Variants in BAIAP2L1 observed in about 807,000 individuals in gnomAD.
The protein encoded by BAIAP2L1 is BAR/IMD domain-containing adapter protein 2-like 1.
Under a neutral mutation model 66.3 loss-of-function variants are expected in BAIAP2L1, and 35 were observed. That is an observed-to-expected ratio of 0.53 (90% CI 0.40 to 0.70). BAIAP2L1 has a LOEUF of 0.70. Ranked by LOEUF, BAIAP2L1 falls within the 30% of genes least tolerant of loss-of-function variation. The probability of loss-of-function intolerance (pLI) is 0.00; values close to 1 mark genes in which losing one functional copy is unlikely to be tolerated. For synonymous variants in BAIAP2L1, 269 were observed against 248.7 expected (o/e 1.08, Z -0.77); for missense variants, 622 against 656.9 (o/e 0.95, Z 0.58).
chr7:98,393,240 C>T lies in BAIAP2L1; in HGVS notation c.51+7562G>A, dbSNP rs539337966. ...TATTTTTGGTAGAGATGGGGTTTCG[C>T]CATGTTGGCTAGGCTGGTCTCAAAC... On this transcript the variant is annotated intron_variant, in intron 1 of 13. Coordinates refer to ENST00000005260, the MANE Select transcript of BAIAP2L1 (RefSeq NM_018842.5). Among the ~76,000 whole-genome samples the T allele has an allele frequency of 2.5e-4, 38 of 151,094 alleles. 1 individual carries two copies. Among genetic ancestry groups the T allele is most frequent in the African/African-American group, 8.5e-4 (35 of 41,184 alleles).
At chr7:98,379,585 T>C (rs1427520056) in intron 1 of BAIAP2L1, among the ~76,000 whole-genome samples, 4 of 152,168 alleles carry the variant, frequency 2.6e-5, no homozygotes, top group Non-Finnish European at 5.9e-5. Flanking sequence ...CCCAATCCTA[T>C]GTTTTTCTAA....
At chr7:98,364,499 C>T (rs531207089) in intron 1 of BAIAP2L1, among the ~76,000 whole-genome samples, 61 of 152,274 alleles carry the variant, frequency 4.0e-4, no homozygotes, top group African/African-American at 1.2e-3. Context: ...TGGCAGCGCT[C>T]TTGTCAGCCA....
At chr7:98,371,961 G>T (rs1200647466) in intron 1 of BAIAP2L1, among the ~76,000 whole-genome samples, 1 of 151,842 alleles carries the variant, frequency 6.6e-6, no homozygotes. Flanking sequence ...CACCTGGCTA[G>T]TTTTTTGTAT....
intron 12 of BAIAP2L1, among the ~76,000 whole-genome samples, chr7:98,296,667 C>A (rs546721336): frequency 6.6e-6 from 1 of 152,256 alleles, no homozygotes; most frequent in East Asian, 1.9e-4. Context: ...AAAACAGAAA[C>A]AACAAAAACA....
rs1021029046 is a variant in BAIAP2L1, at chr7:98,304,067, C to T, written c.1422+129G>A. The T allele has an allele frequency of 3.0e-6, 3 of 986,226 alleles. No individual in the cohort carries two copies. The African/African-American group carries it at 5.0e-5, about 17-fold the overall frequency. The allele number at this position is 986,226 out of a possible 1,614,324, so 61.1% of individuals were successfully genotyped here. On this transcript the variant is annotated intron_variant, in intron 12 of 13. Coordinates refer to ENST00000005260, the MANE Select transcript of BAIAP2L1 (RefSeq NM_018842.5). ...ATCAAAGGCAGCAAGTCCCCTCCTC[C>T]CTCCTCCCCGGGGACACCACTCTCC...
Position 98,310,433 on chromosome 7 carries a change from T to C in BAIAP2L1, c.955+12A>G. 6.3e-7 allele frequency: 1 copy of C among 1,577,342 alleles called. No individual in the cohort carries two copies. On this transcript the variant is annotated intron_variant, in intron 9 of 13. Transcript: ENST00000005260. Reference sequence around the variant, plus strand: ...AAAGGTATCTTCAAATAAATCAGACTGAATCTCTTACCTGTTGAATTATTT... The same window carrying C: ...AAAGGTATCTTCAAATAAATCAGACCGAATCTCTTACCTGTTGAATTATTT...
intron 1 of BAIAP2L1, among the ~76,000 whole-genome samples, chr7:98,384,530 G>A (rs939827007): frequency 1.3e-4 from 20 of 152,194 alleles, no homozygotes; most frequent in African/African-American, 4.3e-4. Flanking sequence ...GGGTTACGTT[G>A]TTTAGAAAGC....
chr7:98,321,161 C>A (rs1359722570), intron 3 of BAIAP2L1, among the ~76,000 whole-genome samples: 1 of 152,060 alleles, frequency 6.6e-6, no homozygotes, highest in East Asian at 1.9e-4. Context: ...ACCTGGCCCA[C>A]GTGGCCCTTT....
intron 7 of BAIAP2L1, among the ~76,000 whole-genome samples, chr7:98,314,063 G>A (rs1800984704): frequency 7.2e-6 from 1 of 137,940 alleles, no homozygotes; most frequent in Admixed American, 8.3e-5. Context: ...TGGGCTCACT[G>A]CAACCTCAGC....
chr7:98,353,234 A>T (rs1376364365), intron 3 of BAIAP2L1, among the ~76,000 whole-genome samples: 3 of 149,830 alleles, frequency 2.0e-5, no homozygotes, highest in African/African-American at 7.4e-5. Flanking sequence ...GAGGCCAGTC[A>T]TCCTAGCACT....
chr7:98,295,038 C>T (rs1219085810), intron 12 of BAIAP2L1, among the ~76,000 whole-genome samples: 4 of 152,216 alleles, frequency 2.6e-5, no homozygotes, highest in African/African-American at 4.8e-5. Context: ...CAGCCTGTGG[C>T]CCGGCCACAC....
chr7:98,329,784 C>G (rs1319379406), intron 3 of BAIAP2L1, among the ~76,000 whole-genome samples: 1 of 152,042 alleles, frequency 6.6e-6, no homozygotes, highest in African/African-American at 2.4e-5. Context: ...CCACACCCAT[C>G]CAAACACAGG....
intron 12 of BAIAP2L1, among the ~76,000 whole-genome samples, chr7:98,301,663 GTGTGTGTGTGTGTGCACACGCGCGTC>G: frequency 1.3e-5 from 2 of 151,446 alleles, no homozygotes; most frequent in South Asian, 4.2e-4. Flanking sequence ...GAAGATGATG[GTGTGTGTGTGTGTGCACACGCGCGTC>G]TGTGTGTGTG....
chr7:98,393,116 CAT>C (rs201190021), intron 1 of BAIAP2L1, among the ~76,000 whole-genome samples: 53,999 of 116,558 alleles, frequency 0.46, 13,838 homozygotes, highest in Middle Eastern at 0.65. Flanking sequence ...TATATGTACA[CAT>C]ATATGTATAT....
At chr7:98,314,998 T>C (rs1307390585) in intron 7 of BAIAP2L1, among the ~76,000 whole-genome samples, 21 of 152,264 alleles carry the variant, frequency 1.4e-4, no homozygotes, top group Non-Finnish European at 5.9e-5. Context: ...GCTGTATTTC[T>C]ATAAGTTTAT....
At chr7:98,360,577 G>GGCA (rs558545573) in intron 2 of BAIAP2L1, among the ~76,000 whole-genome samples, 12 of 151,858 alleles carry the variant, frequency 7.9e-5, no homozygotes, top group Non-Finnish European at 1.6e-4. Context: ...CTAAGCTGTA[G>GGCA]GCAGCTCACT....
intron 3 of BAIAP2L1, among the ~76,000 whole-genome samples, chr7:98,343,273 AC>A (rs1652626377): frequency 1.3e-5 from 2 of 150,464 alleles, no homozygotes; most frequent in African/African-American, 4.9e-5. Context: ...ACACACACAC[AC>A]ACACACACAC....
chr7:98,307,134 C>CA (rs2116856534), intron 10 of BAIAP2L1: 1 of 159,058 alleles, frequency 6.3e-6, no homozygotes, highest in African/African-American at 2.4e-5. Context: ...TTTTTTGAGA[C>CA]AGAGTCTTGC....
intron 3 of BAIAP2L1, among the ~76,000 whole-genome samples, chr7:98,352,081 C>A (rs927121914): frequency 6.8e-6 from 1 of 148,010 alleles, no homozygotes. Flanking sequence ...TATCTTTGGT[C>A]TTTTTTTTTT....
Sources: allele counts gnomAD v4.1 joint callset (sites outside exome capture counted in the v4.1 genomes callset), GRCh38; gene constraint gnomAD v4.1.1; transcripts MANE v1.5; gene names NCBI Gene and HGNC (gene_info 2026-07-23, HGNC 2026-07-21).